Variants in PDE4A observed in about 807,000 individuals in gnomAD.
The protein encoded by PDE4A is phosphodiesterase 4A.
A neutral mutation model predicts 73.9 loss-of-function variants in PDE4A; 21 were observed. The ratio of observed to expected loss-of-function variants is 0.28; its 90% CI spans 0.20 to 0.41. The LOEUF (loss-of-function observed/expected upper bound fraction) is 0.41. Among genes scored for constraint, PDE4A ranks in the 10% least tolerant of loss-of-function variants. The pLI is 1.00. For synonymous variants in PDE4A, 463 were observed against 505.4 expected (o/e 0.92, Z 1.13); for missense variants, 958 against 1,211.4 (o/e 0.79, Z 3.10).
chr19:10,418,449 G>A (rs1048548625), upstream of PDE4A, among the ~76,000 whole-genome samples: 1 of 151,964 alleles, frequency 6.6e-6, no homozygotes, highest in Admixed American at 6.6e-5. Context: ...GCTTCTGGCC[G>A]GCCCCTGCCC....
intron 3 of PDE4A, 60 bp from the exon 4 acceptor site, chr19:10,449,020 G>C (rs1429325577): frequency 3.7e-6 from 6 of 1,611,116 alleles, no homozygotes; most frequent in Non-Finnish European, 5.1e-6. Flanking sequence ...TTGGGGACAG[G>C]GCCCAGCCCC....
In PDE4A at chr19:10,424,292, C is replaced by A. The variant is rs2042686389; in HGVS notation, c.320+3208C>A. Among the ~76,000 whole-genome samples, 1 of 152,204 alleles carries A rather than the reference C, an allele frequency of 6.6e-6. No individual in the cohort carries two copies. Among genetic ancestry groups the A allele is most frequent in the Non-Finnish European group, 1.5e-5 (1 of 68,032 alleles). ...GCCAACATACGGACCCTGCGTCCCC[C>A]CTCCCTGGGCCCTAAAACTTCCCCA... On this transcript the variant is annotated intron_variant, in intron 1 of 14. Transcript: ENST00000380702. This position sits in a 1 kb window ranked among gnomAD's most constrained non-coding sequence, Gnocchi z 4.8.
chr19:10,428,949 A>G, intron 1 of PDE4A: 2 of 941,082 alleles, frequency 2.1e-6, no homozygotes. Context: ...TAAAAATACA[A>G]GAAAAATTTG....
chr19:10,442,356 T>C (rs111885496), intron 1 of PDE4A, among the ~76,000 whole-genome samples: 3,532 of 152,146 alleles, frequency 0.023, 135 homozygotes, highest in African/African-American at 0.08. Context: ...AAACCCTGAC[T>C]GTACTAAAAA....
rs770481395 is a variant in PDE4A at position 10,433,631 on chromosome 19, G to A, written c.320+12547G>A. Among the ~76,000 whole-genome samples, 6 of 152,208 alleles carry A rather than the reference G, an allele frequency of 3.9e-5. No homozygotes were observed. The South Asian group carries it at 1.2e-3, about 32-fold the overall frequency. On this transcript the variant is annotated intron_variant, in intron 1 of 14. Coordinates refer to ENST00000380702, the MANE Select transcript of PDE4A (RefSeq NM_001111307.2). The stretch of plus-strand genomic sequence containing the variant: ...TGTGCGATGCCACAGAGATGTCTAT[G>A]TGTGATGCCCGGGGGCACACAGACC...
intron 7 of PDE4A, among the ~76,000 whole-genome samples, chr19:10,455,781 A>G (rs1385488305): frequency 2.0e-5 from 3 of 151,336 alleles, no homozygotes; most frequent in Non-Finnish European, 4.4e-5. Context: ...AACAAAAAAA[A>G]AAAGCCTCCA....
chr19:10,465,215 CCCT>C (rs1394225651), intron 14 of PDE4A, among the ~76,000 whole-genome samples: 3 of 151,486 alleles, frequency 2.0e-5, no homozygotes, highest in Non-Finnish European at 4.4e-5. Flanking sequence ...AGAAGTATCC[CCCT>C]CCTCATTTTT....
rs1168197109 is a variant in PDE4A, at chr19:10,425,984, C to CAAAAAAAAAA, written c.320+4920_320+4929dup. Among the ~76,000 whole-genome samples the CAAAAAAAAAA allele has an allele frequency of 1.7e-4, 8 of 48,392 alleles. 1 individual carries two copies. Among genetic ancestry groups the CAAAAAAAAAA allele is most frequent in the African/African-American group, 4.6e-4 (5 of 10,766 alleles). 31.7% of individuals were successfully genotyped at this position (48,392 alleles called of 152,430 possible). A position where few individuals can be genotyped will look rare whatever the true frequency, so the allele number is the denominator to read the frequency against. On this transcript the variant is annotated intron_variant, in intron 1 of 14. Coordinates refer to ENST00000380702, the MANE Select transcript of PDE4A (RefSeq NM_001111307.2). ...TCTGGGCGAGAGACTGAGACCCTGTCAAAAAAAAAAAAAAAAAAAAAAAAA... is the reference window on the plus strand; with the variant it reads ...TCTGGGCGAGAGACTGAGACCCTGTCAAAAAAAAAAAAAAAAAAAAAAAAAAAAAAAAAAA...
chr19:10,420,251 C>A, upstream of PDE4A: 1 of 291,136 alleles, frequency 3.4e-6, no homozygotes, highest in Non-Finnish European at 5.1e-6. The surrounding 1 kb of genome is among the most constrained non-coding windows in gnomAD (Gnocchi z 6.0). Context: ...GTGTCTGCTT[C>A]CAGATCGGAT....
chr19:10,417,032 C>T, upstream of PDE4A: 2 of 1,533,378 alleles, frequency 1.3e-6, no homozygotes, highest in South Asian at 1.2e-5. Context: ...GGCTTCGCCC[C>T]TTGGGGGAGA....
intron 1 of PDE4A, 97 bp from the exon 2 acceptor site, chr19:10,446,121 T>C: frequency 6.7e-7 from 1 of 1,481,866 alleles, no homozygotes; most frequent in South Asian, 1.3e-5. Flanking sequence ...TTACAGGCAT[T>C]ACAGGCGTGA....
chr19:10,440,213 G>C (rs2042919017), intron 1 of PDE4A, among the ~76,000 whole-genome samples: 1 of 151,858 alleles, frequency 6.6e-6, no homozygotes, highest in African/African-American at 2.4e-5. Context: ...TCAAACTCCT[G>C]ACCTCAAGTG....
At chr19:10,432,335 G>A in intron 1 of PDE4A, 2 of 1,271,242 alleles carry the variant, frequency 1.6e-6, no homozygotes, top group Non-Finnish European at 2.0e-6. Flanking sequence ...AGGCGGTGCC[G>A]GCAGTGGAGG....
rs2043444889 is a variant in PDE4A at position 10,469,626 on chromosome 19, A to T, written c.*2005A>T. On this transcript the variant is annotated 3_prime_UTR_variant, in exon 15 of 15. Transcript: ENST00000380702. ...TGTCTCCAATTAAACCGAGGCTTTC[A>T]CCGATTTTCCTGGCTGATGTGGCTT... 6.6e-6 allele frequency: 1 copy of T among 152,234 alleles called. No individual in the cohort carries two copies. 9.4% of individuals were successfully genotyped at this position (152,234 alleles called of 1,614,324 possible).
upstream of PDE4A, chr19:10,417,281 A>G: frequency 1.0e-6 from 1 of 984,588 alleles, no homozygotes; most frequent in Non-Finnish European, 1.2e-6. Context: ...AGAGTCTCAG[A>G]TGTGAGGGAT....
chr19:10,425,430 G>A (rs943393126), intron 1 of PDE4A, among the ~76,000 whole-genome samples: 2 of 152,158 alleles, frequency 1.3e-5, no homozygotes, highest in Non-Finnish European at 2.9e-5. Flanking sequence ...TATGTTTGAC[G>A]TAGGTGCTGG....
rs1374183874 is a variant in PDE4A at position 10,454,872 on chromosome 19, T to C, written c.827T>C (p.Met276Thr). The change falls in exon 7 of 15, where the codon ATG (methionine) becomes ACG (threonine). Residue 276 changes from methionine to threonine, a missense_variant. Physicochemically the swap from Met to Thr is moderately conservative, Grantham distance 81 (BLOSUM62 -1). Coordinates refer to ENST00000380702, the MANE Select transcript of PDE4A (RefSeq NM_001111307.2). ...CGTGAGCTCACACACCTGTCAGAAA[T>C]GAGCAGGTCCGGAAACCAGGTCTCA... ...LNRELTHLSE[M>T]SRSGNQVSEY... is the part of the protein sequence containing the mutation. The C allele has an allele frequency of 1.2e-6, 2 of 1,614,132 alleles. No homozygotes were observed.
chr19:10,466,441 T>C (rs2043372274), intron 14 of PDE4A, among the ~76,000 whole-genome samples: 1 of 76,250 alleles, frequency 1.3e-5, no homozygotes, highest in Admixed American at 1.1e-4. Flanking sequence ...CAAGACTCCG[T>C]CTCAAAAAAA....
chr19:10,421,184 T>A, intron 1 of PDE4A, 100 bp downstream of exon 1: 1 of 1,333,664 alleles, frequency 7.5e-7, no homozygotes, highest in South Asian at 2.0e-5. Flanking sequence ...GCGGGTGGGG[T>A]CGGTTTGGCT....
Sources: gnomAD v4.1 joint callset for allele counts (sites outside exome capture counted in the v4.1 genomes callset) on GRCh38, gnomAD v4.1.1 for gene constraint, Gnocchi (gnomAD v3.1) non-coding constraint, MANE v1.5 for transcripts, NCBI Gene and HGNC (gene_info 2026-07-23, HGNC 2026-07-21) for gene names.